Variants in GTF2IRD1 observed in about 807,000 individuals in gnomAD.
The protein encoded by GTF2IRD1 is general transcription factor II-I repeat domain-containing protein 1.
In GTF2IRD1, 26 loss-of-function variants were observed where a neutral mutation model predicts 113.2. That is an observed-to-expected ratio of 0.23 (90% CI 0.17 to 0.32). The LOEUF (loss-of-function observed/expected upper bound fraction) is 0.32, where lower values mean the gene tolerates loss of function less well. GTF2IRD1 is among the 10% of genes least tolerant of loss of function. The pLI, the probability that GTF2IRD1 is intolerant of heterozygous loss-of-function variation, is 1.00. For missense variants in GTF2IRD1, 864 were observed against 1,280.8 expected (o/e 0.67, Z 4.97); for synonymous variants, 484 against 529.1 (o/e 0.91, Z 1.17).
intron 24 of GTF2IRD1, 22 bp downstream of exon 24, chr7:74,591,039 C>CG (rs1562898078): frequency 6.3e-7 from 1 of 1,578,130 alleles, no homozygotes; most frequent in Non-Finnish European, 8.7e-7. Context: ...GCCTCTGGAA[C>CG]GGGGAACAGA....
chr7:74,574,070 G>A (rs373371331), intron 22 of GTF2IRD1, among the ~76,000 whole-genome samples: 2 of 151,664 alleles, frequency 1.3e-5, no homozygotes, highest in South Asian at 2.1e-4. Flanking sequence ...TGCAACCTCC[G>A]CCTCCCGGGT....
intron 22 of GTF2IRD1, among the ~76,000 whole-genome samples, chr7:74,570,206 T>C (rs1231493719): frequency 6.7e-6 from 1 of 148,902 alleles, no homozygotes; most frequent in Admixed American, 6.7e-5. Context: ...CACCAAAAAA[T>C]ACAAAAATTA....
chr7:74,520,303 G>A (rs587699808), intron 6 of GTF2IRD1, among the ~76,000 whole-genome samples: 106 of 152,008 alleles, frequency 7.0e-4, no homozygotes, highest in African/African-American at 2.5e-3. Flanking sequence ...GTCCTGGGGT[G>A]AACAGGACAA....
intron 1 of GTF2IRD1, among the ~76,000 whole-genome samples, chr7:74,458,118 G>A (rs1337657887): frequency 6.6e-6 from 1 of 151,958 alleles, no homozygotes; most frequent in Non-Finnish European, 1.5e-5. Context: ...TGATCTGCCC[G>A]CCTCTGCCTC....
intron 1 of GTF2IRD1, among the ~76,000 whole-genome samples, chr7:74,496,223 TG>T (rs1795664793): frequency 2.0e-5 from 3 of 150,586 alleles, no homozygotes; most frequent in African/African-American, 7.3e-5. Context: ...TGTCTGCATG[TG>T]GGTGTGCATG....
chr7:74,497,092 T>A (rs1554338286), intron 1 of GTF2IRD1, among the ~76,000 whole-genome samples: 1 of 151,584 alleles, frequency 6.6e-6, no homozygotes, highest in Non-Finnish European at 1.5e-5. Flanking sequence ...AACCCAGGAA[T>A]TTGAGGCTGC....
intron 1 of GTF2IRD1, among the ~76,000 whole-genome samples, chr7:74,479,350 C>T (rs1219351543): frequency 6.7e-6 from 1 of 149,302 alleles, no homozygotes; most frequent in Non-Finnish European, 1.5e-5. Flanking sequence ...TGTTCCCCAC[C>T]CACCCACCCA....
chr7:74,515,226 C>T (rs1265290329), intron 3 of GTF2IRD1: 12 of 920,946 alleles, frequency 1.3e-5, no homozygotes, highest in Non-Finnish European at 2.0e-5. Context: ...GAGGTGAGGC[C>T]CAGCCCTGGG....
chr7:74,492,459 C>T (rs1795419259), intron 1 of GTF2IRD1, among the ~76,000 whole-genome samples: 1 of 152,056 alleles, frequency 6.6e-6, no homozygotes, highest in Non-Finnish European at 1.5e-5. Context: ...TGTGAGCCAC[C>T]ACGCCTGGCC....
intron 22 of GTF2IRD1, among the ~76,000 whole-genome samples, chr7:74,577,479 T>C (rs1195045229): frequency 1.3e-5 from 2 of 152,222 alleles, no homozygotes; most frequent in South Asian, 2.1e-4. Context: ...AATGTTTCAA[T>C]GCACATCTCC....
At chr7:74,478,451 T>TTGTG (rs150478733) in intron 1 of GTF2IRD1, among the ~76,000 whole-genome samples, 4 of 150,926 alleles carry the variant, frequency 2.7e-5, no homozygotes, top group Admixed American at 2.0e-4. Flanking sequence ...AGTTTGAGCA[T>TTGTG]TGTGTGTGTG....
chr7:74,589,317 C>G (rs1475713283), intron 22 of GTF2IRD1, among the ~76,000 whole-genome samples: 1 of 152,076 alleles, frequency 6.6e-6, no homozygotes, highest in Non-Finnish European at 1.5e-5. Context: ...CTATGATCCA[C>G]TGCTGCCTTC....
chr7:74,597,126 T>C (rs1802465382), intron 25 of GTF2IRD1, among the ~76,000 whole-genome samples: 1 of 151,612 alleles, frequency 6.6e-6, no homozygotes, highest in Non-Finnish European at 1.5e-5. Flanking sequence ...CACTGCAACC[T>C]CCGACTCCCG....
chr7:74,582,366 TCA>T (rs1184777144), intron 22 of GTF2IRD1, among the ~76,000 whole-genome samples: 1 of 152,168 alleles, frequency 6.6e-6, no homozygotes, highest in African/African-American at 2.4e-5. Flanking sequence ...TCTGGTGCAC[TCA>T]CAGTTCCCAG....
At chr7:74,580,385 G>A (rs1402576924) in intron 22 of GTF2IRD1, among the ~76,000 whole-genome samples, 6 of 152,216 alleles carry the variant, frequency 3.9e-5, no homozygotes, top group Admixed American at 2.0e-4. Flanking sequence ...GTGAATGGTC[G>A]TAATTACCAA....
At chr7:74,561,297 C>G (rs1222751018) in intron 22 of GTF2IRD1, among the ~76,000 whole-genome samples, 1 of 146,366 alleles carries the variant, frequency 6.8e-6, no homozygotes, top group East Asian at 2.0e-4. Flanking sequence ...TGCAGTGAGC[C>G]GAGATCGCGC....
chr7:74,466,070 C>G (rs1178283764), intron 1 of GTF2IRD1, among the ~76,000 whole-genome samples: 4 of 152,246 alleles, frequency 2.6e-5, no homozygotes, highest in Non-Finnish European at 5.9e-5. Flanking sequence ...TGCACCCGGA[C>G]AGCATGCCTC....
Position 74,467,974 on chromosome 7 carries a change from T to C in GTF2IRD1, c.-7+13798T>C, listed in dbSNP as rs114644500. Among the ~76,000 whole-genome samples, 1,177 of 152,266 alleles carry C rather than the reference T, an allele frequency of 7.7e-3. 13 individuals carry two copies. The highest frequency in any genetic ancestry group is 0.026 in the African/African-American group (1,087 of 41,550). ...ATTTAGACACACATGCTTGTGTGCA[T>C]GCATGGGTGTGTATATGCACATGTA... On this transcript the variant is annotated intron_variant, in intron 1 of 26. Transcript: ENST00000424337.
At chr7:74,482,223 C>CT (rs5884948) in intron 1 of GTF2IRD1, among the ~76,000 whole-genome samples, 3,339 of 107,816 alleles carry the variant, frequency 0.031, 102 homozygotes, top group African/African-American at 0.06. Flanking sequence ...TCTCCTAAAA[C>CT]TTTTTTTTTT....
Sources: gnomAD v4.1 joint callset for allele counts (sites outside exome capture counted in the v4.1 genomes callset) on GRCh38, gnomAD v4.1.1 for gene constraint, MANE v1.5 for transcripts, NCBI Gene and HGNC (gene_info 2026-07-23, HGNC 2026-07-21) for gene names.